The following ADARB2 variants were observed in gnomAD, a reference collection of about 807,000 sequenced individuals.
ADARB2 encodes adenosine deaminase RNA specific B2 (inactive), also known as inactive double-stranded RNA-specific editase B2.
Under a neutral mutation model 62.2 loss-of-function variants are expected in ADARB2, and 25 were observed. That is an observed-to-expected ratio of 0.40 (90% CI 0.29 to 0.56). The LOEUF (loss-of-function observed/expected upper bound fraction) is 0.56. Among genes scored for constraint, ADARB2 ranks in the 20% least tolerant of loss-of-function variants. The pLI is 0.43. For missense variants in ADARB2, 1,071 were observed against 1,077.4 expected (o/e 0.99, Z 0.08); for synonymous variants, 572 against 500.8 (o/e 1.14, Z -1.90).
chr10:1,405,001 A>G (rs1564281026), intron 1 of ADARB2, among the ~76,000 whole-genome samples: 2 of 152,298 alleles, frequency 1.3e-5, no homozygotes, highest in East Asian at 3.9e-4. Context: ...TGCCTCCTAC[A>G]TACAATTCCC....
intron 1 of ADARB2, among the ~76,000 whole-genome samples, chr10:1,647,463 G>A (rs1834058047): frequency 6.6e-6 from 1 of 152,110 alleles, no homozygotes; most frequent in Non-Finnish European, 1.5e-5. Flanking sequence ...TTAAATATGT[G>A]TATATGTACG....
intron 1 of ADARB2, among the ~76,000 whole-genome samples, chr10:1,692,572 G>T (rs113650862): frequency 0.02 from 3,034 of 152,286 alleles, 47 homozygotes; most frequent in South Asian, 0.064. Flanking sequence ...TCCTCATTCA[G>T]TAGTGACAGC....
At chr10:1,593,363 G>A (rs11250655) in intron 1 of ADARB2, among the ~76,000 whole-genome samples, 14,519 of 123,254 alleles carry the variant, frequency 0.12, 1,841 homozygotes, top group Non-Finnish European at 0.15. Context: ...TCTCCTCTCT[G>A]GCATGGTCCC....
intron 4 of ADARB2, among the ~76,000 whole-genome samples, chr10:1,256,043 C>T (rs1377720606): frequency 1.3e-5 from 2 of 152,248 alleles, no homozygotes; most frequent in African/African-American, 2.4e-5. Flanking sequence ...TGCTGCTGCA[C>T]AGACCTCTCC....
At chr10:1,351,047 G>T (rs1470432207) in intron 3 of ADARB2, among the ~76,000 whole-genome samples, 1 of 151,978 alleles carries the variant, frequency 6.6e-6, no homozygotes, top group Non-Finnish European at 1.5e-5. Flanking sequence ...TGGCCACCGG[G>T]CCAAGGAATG....
At chr10:1,459,534 G>T (rs866828845) in intron 1 of ADARB2, among the ~76,000 whole-genome samples, 8 of 152,210 alleles carry the variant, frequency 5.3e-5, no homozygotes, top group South Asian at 2.1e-4. Flanking sequence ...AGGCCAAGGG[G>T]GGGTGGATCA....
At chr10:1,572,052 C>G (rs1384203055) in intron 1 of ADARB2, among the ~76,000 whole-genome samples, 1 of 140,646 alleles carries the variant, frequency 7.1e-6, no homozygotes, top group Non-Finnish European at 1.5e-5. Flanking sequence ...GGTGAGTGGA[C>G]AGGGGAGTGT....
At chr10:1,488,304 T>A (rs765860841) in intron 1 of ADARB2, among the ~76,000 whole-genome samples, 2 of 151,960 alleles carry the variant, frequency 1.3e-5, no homozygotes, top group African/African-American at 2.4e-5. Flanking sequence ...CACAGCAAAG[T>A]GACAATGGTA....
chr10:1,574,635 C>T (rs1832985982), intron 1 of ADARB2, among the ~76,000 whole-genome samples: 1 of 152,154 alleles, frequency 6.6e-6, no homozygotes, highest in Non-Finnish European at 1.5e-5. Flanking sequence ...CTCACGGGGT[C>T]CTCCCTCTGT....
chr10:1,614,656 C>T (rs1205268809), intron 1 of ADARB2, among the ~76,000 whole-genome samples: 1 of 152,262 alleles, frequency 6.6e-6, no homozygotes, highest in East Asian at 1.9e-4. Flanking sequence ...TTACGCCTGT[C>T]ATCCCAGCAC....
chr10:1,454,746 G>T (rs892771368), intron 1 of ADARB2, among the ~76,000 whole-genome samples: 1 of 152,084 alleles, frequency 6.6e-6, no homozygotes, highest in African/African-American at 2.4e-5. Flanking sequence ...GACGGATGGT[G>T]GTGATTGCTC....
At chr10:1,316,309 G>T (rs1164900642) in intron 3 of ADARB2, among the ~76,000 whole-genome samples, 1 of 152,242 alleles carries the variant, frequency 6.6e-6, no homozygotes, top group Non-Finnish European at 1.5e-5. Context: ...GCCCTGCTCT[G>T]CCGTGGTGAT....
rs943476236 is a variant in ADARB2 at position 1,602,945 on chromosome 10, C to T, written c.100+134106G>A. Among the ~76,000 whole-genome samples, 21 of 146,032 alleles carry T rather than the reference C, an allele frequency of 1.4e-4. 1 individual carries two copies. The highest frequency in any genetic ancestry group is 3.6e-3 in the Middle Eastern group (1 of 276). On this transcript the variant is annotated intron_variant, in intron 1 of 9. Transcript: ENST00000381312. ...TACATAGATGCACATCATGCGCACA[C>T]CTGTACACACATGCACACACAGACA...
At chr10:1,329,929 C>CTTTTTTTTTTTTTTTTTTTTTTTT (rs370355543) in intron 3 of ADARB2, among the ~76,000 whole-genome samples, 1 of 100,218 alleles carries the variant, frequency 1.0e-5, no homozygotes, top group Non-Finnish European at 2.0e-5. Context: ...GAAGAAGTGC[C>CTTTTTTTTTTTTTTTTTTTTTTTT]TTTTTTTTTT....
chr10:1,561,386 C>T (rs1832784993), intron 1 of ADARB2, among the ~76,000 whole-genome samples: 1 of 152,174 alleles, frequency 6.6e-6, no homozygotes, highest in African/African-American at 2.4e-5. Flanking sequence ...TCCTTGACTG[C>T]CTAGTTTTTT....
chr10:1,262,269 G>A (rs1831146482), intron 4 of ADARB2, among the ~76,000 whole-genome samples: 1 of 124,068 alleles, frequency 8.1e-6, no homozygotes, highest in Non-Finnish European at 1.7e-5. Flanking sequence ...ATGTGCACAT[G>A]TACCCTAAAA....
chr10:1,206,372 C>CGT (rs1247239711), intron 7 of ADARB2, among the ~76,000 whole-genome samples: 3 of 150,432 alleles, frequency 2.0e-5, no homozygotes, highest in Admixed American at 1.3e-4. Flanking sequence ...AGAACTGGGG[C>CGT]GTCTCCTTGA....
At chr10:1,408,721 G>A (rs1051788979) in intron 1 of ADARB2, among the ~76,000 whole-genome samples, 8 of 152,200 alleles carry the variant, frequency 5.3e-5, no homozygotes, top group Admixed American at 1.3e-4. Context: ...GTGAGCCTGT[G>A]TGAATCCTTT....
intron 1 of ADARB2, among the ~76,000 whole-genome samples, chr10:1,504,480 C>T (rs1232135638): frequency 1.3e-5 from 2 of 152,150 alleles, no homozygotes; most frequent in African/African-American, 4.8e-5. Context: ...ATTATGTAGC[C>T]AGCCCGGCCC....
Sources: allele counts gnomAD v4.1 joint callset (sites outside exome capture counted in the v4.1 genomes callset), GRCh38; gene constraint gnomAD v4.1.1; transcripts MANE v1.5; gene names NCBI Gene and HGNC (gene_info 2026-07-23, HGNC 2026-07-21).